SSBP4: variants seen among roughly 807,000 people sequenced by gnomAD.
SSBP4 encodes single stranded DNA binding protein 4.
SSBP4 carries 33 observed loss-of-function variants against 64.6 expected under a neutral mutation model. The observed-to-expected ratio is 0.51, with a 90% CI of 0.39 to 0.68. The LOEUF (loss-of-function observed/expected upper bound fraction) is 0.68. SSBP4 is among the 30% of genes least tolerant of loss of function. SSBP4 has a pLI of 0.00. For synonymous variants in SSBP4, 243 were observed against 224.0 expected, an observed-to-expected ratio of 1.08 and a Z score of -0.76; for missense variants, 583 against 566.8, an observed-to-expected ratio of 1.03 and a Z score of -0.29.
At chr19:18,419,968 AC>A (rs1384403119) in intron 1 of SSBP4, 1 of 167,216 alleles carries the variant, frequency 6.0e-6, no homozygotes, top group East Asian at 1.8e-4. Context: ...GACGGGCGAG[AC>A]CGGAGCGGCT....
At chr19:18,433,110 T>G (rs375209199) in intron 14 of SSBP4, 25 bp from the exon 15 acceptor site, 1 of 1,612,074 alleles carries the variant, frequency 6.2e-7, no homozygotes, top group East Asian at 2.2e-5. Context: ...GTGGCCCGAG[T>G]CCCACGCTGT....
chr19:18,429,146 G>T (rs1197331674), intron 4 of SSBP4, among the ~76,000 whole-genome samples: 1 of 152,120 alleles, frequency 6.6e-6, no homozygotes, highest in Admixed American at 6.5e-5. Flanking sequence ...ATGCCGGGCC[G>T]TCGCCTCCGT....
chr19:18,428,819 G>A (rs894366287), intron 4 of SSBP4, among the ~76,000 whole-genome samples: 1 of 152,188 alleles, frequency 6.6e-6, no homozygotes, highest in African/African-American at 2.4e-5. Flanking sequence ...CCCTCCTGGC[G>A]TCACTGCTGT....
chr19:18,431,914 C>T, intron 8 of SSBP4, 52 bp downstream of exon 8: 1 of 1,566,956 alleles, frequency 6.4e-7, no homozygotes, highest in Non-Finnish European at 8.7e-7. Flanking sequence ...AATTCCAGCT[C>T]TCAGAGCCCA....
upstream of SSBP4, among the ~76,000 whole-genome samples, chr19:18,414,337 GA>G (rs1972114917): frequency 6.6e-6 from 1 of 152,156 alleles, no homozygotes; most frequent in Non-Finnish European, 1.5e-5. Context: ...ATGGGGAGAA[GA>G]AATGATGGCT....
In SSBP4 at chr19:18,431,343, GTCC is replaced by G. The variant is rs1255426326; in HGVS notation, c.370-5_370-3del. 1 of 747,914 alleles carries G rather than the reference GTCC, an allele frequency of 1.3e-6. No homozygotes were observed. The highest frequency in any genetic ancestry group is 2.2e-6 in the Non-Finnish European group (1 of 461,100). 46.3% of individuals were successfully genotyped at this position (747,914 alleles called of 1,614,324 possible). On this transcript the variant is annotated splice_region_variant and splice_polypyrimidine_tract_variant and intron_variant, in intron 5 of 17. Transcript: ENST00000270061. ...CACTCCCCCCCACCCACCTGGTTCT[GTCC>G]TCCTAGGGCCCCCCCGGCTCCCAGC... is the stretch of plus-strand genomic sequence containing the variant.
At chr19:18,430,730 C>T in intron 4 of SSBP4, 111 bp from the exon 5 acceptor site, 1 of 916,082 alleles carries the variant, frequency 1.1e-6, no homozygotes. Context: ...CTGACCAATG[C>T]CAGCTCGCTG....
chr19:18,425,197 G>A (rs1972760231), intron 1 of SSBP4, among the ~76,000 whole-genome samples: 3 of 152,022 alleles, frequency 2.0e-5, no homozygotes, highest in South Asian at 2.1e-4. Context: ...AGAACCCTTC[G>A]CAGCCCCCTC....
chr19:18,406,311 C>G, the SSBP4 span, among the ~76,000 whole-genome samples: 5 of 150,830 alleles, frequency 3.3e-5, no homozygotes, highest in Admixed American at 6.6e-5. Flanking sequence ...CGCCACCATG[C>G]CCAGCTATTA....
chr19:18,428,038 GTGGCT>G, intron 4 of SSBP4, 56 bp downstream of exon 4: 1 of 1,547,596 alleles, frequency 6.5e-7, no homozygotes, highest in Non-Finnish European at 8.8e-7. Context: ...TGCTGGGCCT[GTGGCT>G]GGGGAGGTGG....
intron 1 of SSBP4, among the ~76,000 whole-genome samples, chr19:18,424,630 G>A (rs1191207834): frequency 6.6e-6 from 1 of 151,950 alleles, no homozygotes; most frequent in East Asian, 1.9e-4. Flanking sequence ...GCACCTGGAG[G>A]GGACTCTGTC....
the SSBP4 span, among the ~76,000 whole-genome samples, chr19:18,410,670 A>C: frequency 1.3e-5 from 2 of 151,990 alleles, no homozygotes; most frequent in Non-Finnish European, 2.9e-5. Flanking sequence ...CAAGAGAGGC[A>C]GACTAGATTC....
chr19:18,432,938 C>T (rs1185276146), intron 13 of SSBP4, 35 bp from the exon 14 acceptor site: 5 of 1,613,944 alleles, frequency 3.1e-6, no homozygotes, highest in East Asian at 2.2e-5. Context: ...TGGGGGAAAC[C>T]CCGTCACACC....
At chr19:18,409,058 C>T in the SSBP4 span, among the ~76,000 whole-genome samples, 1 of 152,278 alleles carries the variant, frequency 6.6e-6, no homozygotes, top group South Asian at 2.1e-4. Context: ...AAACGATCCT[C>T]CCGTCTTGCC....
At chr19:18,431,316 C>G (rs1383813339) in intron 5 of SSBP4, 37 bp from the exon 6 acceptor site, 1 of 653,146 alleles carries the variant, frequency 1.5e-6, no homozygotes, top group East Asian at 2.8e-5. Flanking sequence ...CCAGTAGGGC[C>G]TCACTCCCCC....
intron 4 of SSBP4, among the ~76,000 whole-genome samples, chr19:18,428,787 A>G (rs1219037481): frequency 2.6e-5 from 4 of 152,088 alleles, no homozygotes; most frequent in African/African-American, 9.7e-5. Flanking sequence ...AGCACTCTGC[A>G]TGAGAGCTGG....
intron 1 of SSBP4, among the ~76,000 whole-genome samples, chr19:18,425,359 A>G (rs1432907362): frequency 6.6e-6 from 1 of 152,030 alleles, no homozygotes; most frequent in East Asian, 1.9e-4. Context: ...CTGGCCTTTC[A>G]TGCCCCCTGC....
chr19:18,411,292 A>G, the SSBP4 span, among the ~76,000 whole-genome samples: 1 of 152,062 alleles, frequency 6.6e-6, no homozygotes, highest in East Asian at 1.9e-4. Flanking sequence ...CAGGAGTTTG[A>G]GACCAGCCTG....
intron 6 of SSBP4, 21 bp downstream of exon 6, chr19:18,431,439 C>A: frequency 2.1e-6 from 3 of 1,430,798 alleles, no homozygotes; most frequent in Non-Finnish European, 1.9e-6. Flanking sequence ...GTGGTGCCTG[C>A]CCCTCACACA....
Sources: allele counts gnomAD v4.1 joint callset (sites outside exome capture counted in the v4.1 genomes callset), GRCh38; gene constraint gnomAD v4.1.1; transcripts MANE v1.5; gene names NCBI Gene and HGNC (gene_info 2026-07-23, HGNC 2026-07-21).